MROH9: variants seen among roughly 807,000 people sequenced by gnomAD.
The protein encoded by MROH9 is maestro heat like repeat family member 9.
A neutral mutation model predicts 98.2 loss-of-function variants in MROH9; 92 were observed. That is an observed-to-expected ratio of 0.94 (90% CI 0.79 to 1.11). The LOEUF (loss-of-function observed/expected upper bound fraction) is 1.11, where lower values mean the gene tolerates loss of function less well. MROH9 is among the 50% of genes most tolerant of loss of function. The pLI is 0.00. For synonymous variants in MROH9, 397 were observed against 368.9 expected, an observed-to-expected ratio of 1.08 and a Z score of -0.87; for missense variants, 1,057 against 1,014.8, an observed-to-expected ratio of 1.04 and a Z score of -0.57.
intron 8 of MROH9, among the ~76,000 whole-genome samples, chr1:170,978,482 G>A (rs1650801514): frequency 6.6e-6 from 1 of 152,152 alleles, no homozygotes; most frequent in Non-Finnish European, 1.5e-5. Flanking sequence ...GGCTGGTGAG[G>A]AGTGGGGGTT....
chr1:170,992,342 A>G lies in MROH9; in HGVS notation c.1194+13A>G, dbSNP rs748604679. On this transcript the variant is annotated intron_variant, in intron 12 of 21. Transcript: ENST00000367759. ...GATGCCTTTGGCGGTAAATAACACG[A>G]TGAGTGTTTCTTCTTCTCAGTACTG... 2 of 1,609,576 alleles carry G rather than the reference A, an allele frequency of 1.2e-6. No homozygotes were observed. The highest frequency in any genetic ancestry group is 2.2e-5 in the South Asian group (2 of 90,500).
At chr1:170,999,267 G>A (rs1012334042) in intron 15 of MROH9, among the ~76,000 whole-genome samples, 8 of 151,952 alleles carry the variant, frequency 5.3e-5, no homozygotes, top group African/African-American at 1.7e-4. Flanking sequence ...CCCATCACCT[G>A]AGCAGCATAC....
intron 7 of MROH9, among the ~76,000 whole-genome samples, chr1:170,970,731 T>TGTGTGTGTGTGAGA (rs1491154307): frequency 1.5e-4 from 14 of 90,800 alleles, no homozygotes; most frequent in African/African-American, 3.5e-4. Context: ...TGTGTGTGTG[T>TGTGTGTGTGTGAGA]GAGAGAGAGA....
intron 20 of MROH9, among the ~76,000 whole-genome samples, chr1:171,045,330 A>T (rs1653440430): frequency 6.6e-6 from 1 of 151,366 alleles, no homozygotes; most frequent in African/African-American, 2.4e-5. Flanking sequence ...CTTTTCTTTT[A>T]CTAATTTTGG....
intron 11 of MROH9, 129 bp downstream of exon 11, chr1:170,990,132 T>C (rs945442503): frequency 2.1e-6 from 2 of 947,344 alleles, no homozygotes; most frequent in East Asian, 2.7e-5. Context: ...AGAGAAAATC[T>C]ATTTTTGCAC....
intron 15 of MROH9, among the ~76,000 whole-genome samples, chr1:171,009,400 C>A (rs961804931): frequency 2.6e-5 from 4 of 152,070 alleles, no homozygotes; most frequent in African/African-American, 9.7e-5. Context: ...GAAATATTCA[C>A]TTTTACTCAG....
In MROH9 at chr1:170,937,425, C is replaced by A. The variant is rs572723474; in HGVS notation, c.-38+1838C>A. ...AAATATTTGGTATCTAATATATACA[C>A]AAAGAAATGTATTCAGAACAAAATT... is the stretch of plus-strand genomic sequence containing the variant. On this transcript the variant is annotated intron_variant, in intron 1 of 21. Coordinates refer to ENST00000367759, the MANE Select transcript of MROH9 (RefSeq NM_001163629.2). Among the ~76,000 whole-genome samples, 5 of 150,416 alleles carry A rather than the reference C, an allele frequency of 3.3e-5. No individual in the cohort carries two copies. In the East Asian group the frequency reaches 9.7e-4, roughly 29 times the overall value.
intron 20 of MROH9, among the ~76,000 whole-genome samples, chr1:171,031,781 C>T (rs1181527498): frequency 1.3e-5 from 2 of 152,078 alleles, no homozygotes; most frequent in Non-Finnish European, 2.9e-5. Flanking sequence ...CATGGAGTAT[C>T]TTAGTGGTGT....
At chr1:171,057,964 TG>T (rs202015836) in intron 20 of MROH9, among the ~76,000 whole-genome samples, 1 of 148,752 alleles carries the variant, frequency 6.7e-6, no homozygotes, top group Admixed American at 6.7e-5. Context: ...GCACTAAATA[TG>T]GGGGGAAAAA....
intron 20 of MROH9, among the ~76,000 whole-genome samples, chr1:171,041,346 G>T (rs1166491807): frequency 1.8e-5 from 1 of 56,726 alleles, no homozygotes; most frequent in Non-Finnish European, 3.5e-5. Context: ...AGTATTCCAT[G>T]ATGTGTGTGT....
At chr1:170,985,976 A>T (rs748112933) in intron 9 of MROH9, among the ~76,000 whole-genome samples, 1 of 152,128 alleles carries the variant, frequency 6.6e-6, no homozygotes, top group Non-Finnish European at 1.5e-5. Flanking sequence ...ATATAAAGGC[A>T]AAAGGAGAAA....
intron 20 of MROH9, among the ~76,000 whole-genome samples, chr1:171,030,039 C>T (rs1652854934): frequency 6.6e-6 from 1 of 152,036 alleles, no homozygotes; most frequent in South Asian, 2.1e-4. Context: ...TGTATGTGTC[C>T]AGGAATTTAC....
intron 7 of MROH9, among the ~76,000 whole-genome samples, chr1:170,971,292 G>A (rs1650447917): frequency 6.6e-6 from 1 of 152,166 alleles, no homozygotes; most frequent in South Asian, 2.1e-4. Flanking sequence ...AACTTCCAGA[G>A]GAAAAGTGGC....
intron 15 of MROH9, among the ~76,000 whole-genome samples, chr1:171,003,329 A>G (rs1651847000): frequency 1.3e-5 from 2 of 152,112 alleles, no homozygotes; most frequent in South Asian, 2.1e-4. Flanking sequence ...GTTTTGTCAT[A>G]TTACCAGGTT....
chr1:170,963,289 C>A (rs9729437), intron 6 of MROH9, among the ~76,000 whole-genome samples: 12,144 of 152,030 alleles, frequency 0.08, 621 homozygotes, highest in Non-Finnish European at 0.11. Flanking sequence ...ATACCAACTA[C>A]CACCAGTCAG....
At chr1:170,974,022 C>T (rs1395368185) in intron 8 of MROH9, among the ~76,000 whole-genome samples, 4 of 152,120 alleles carry the variant, frequency 2.6e-5, no homozygotes, top group Non-Finnish European at 5.9e-5. Flanking sequence ...ATTACAATAT[C>T]TGAGAAGAAA....
intron 20 of MROH9, among the ~76,000 whole-genome samples, chr1:171,055,923 A>AC (rs958706481): frequency 7.2e-5 from 11 of 152,130 alleles, no homozygotes; most frequent in African/African-American, 2.6e-4. Context: ...AGGAGCCCCT[A>AC]CCCCCAGGCC....
chr1:170,998,367 G>A (rs760386229), intron 15 of MROH9, 93 bp downstream of exon 15: 224 of 1,611,366 alleles, frequency 1.4e-4, no homozygotes, highest in Non-Finnish European at 1.8e-4. Flanking sequence ...CTCTCCCTCT[G>A]AATGTTGGTT....
At chr1:170,944,340 C>A (rs1482064769) in intron 1 of MROH9, among the ~76,000 whole-genome samples, 3 of 151,558 alleles carry the variant, frequency 2.0e-5, no homozygotes, top group South Asian at 2.1e-4. Context: ...CACACACATA[C>A]AAAGTAAGGA....
Sources: allele counts gnomAD v4.1 joint callset (sites outside exome capture counted in the v4.1 genomes callset), GRCh38; gene constraint gnomAD v4.1.1; transcripts MANE v1.5; gene names NCBI Gene and HGNC (gene_info 2026-07-23, HGNC 2026-07-21).